SEPTIN9: variants seen among roughly 807,000 people sequenced by gnomAD.
SEPTIN9 encodes septin 9, also known as septin-9.
SEPTIN9 carries 13 observed loss-of-function variants against 56.6 expected under a neutral mutation model. The observed-to-expected ratio is 0.23, with a 90% CI of 0.15 to 0.37. The LOEUF (loss-of-function observed/expected upper bound fraction) is 0.37, where lower values mean the gene tolerates loss of function less well. SEPTIN9 is among the 10% of genes least tolerant of loss of function. SEPTIN9 has a pLI of 1.00. For missense variants in SEPTIN9, 650 were observed against 823.1 expected (o/e 0.79, Z 2.57); for synonymous variants, 332 against 334.1 (o/e 0.99, Z 0.07).
chr17:77,335,327 T>G (rs1250559559), intron 2 of SEPTIN9, among the ~76,000 whole-genome samples: 1 of 150,940 alleles, frequency 6.6e-6, no homozygotes, highest in African/African-American at 2.4e-5. Flanking sequence ...GGCCCCATGT[T>G]GACTGTATAT....
rs2144315736 is a variant in SEPTIN9, at chr17:77,436,507, C to T, written c.721+33804C>T. On this transcript the variant is annotated intron_variant, in intron 3 of 11. Coordinates refer to ENST00000427177, the MANE Select transcript of SEPTIN9 (RefSeq NM_001113491.2). The surrounding 1 kb of genome is among the most constrained non-coding windows in gnomAD (Gnocchi z 4.4). ...CTGGAGCCAGCGGGGTGGGGGTATC[C>T]AGCAAGAGCTCCTTCCCATCCTCCC... 6.6e-6 allele frequency among the ~76,000 whole-genome samples: 1 copy of T among 152,330 alleles called. No individual in the cohort carries two copies. The highest frequency in any genetic ancestry group is 1.9e-4 in the East Asian group (1 of 5,178).
intron 3 of SEPTIN9, among the ~76,000 whole-genome samples, chr17:77,457,347 T>C (rs2038252377): frequency 6.6e-6 from 1 of 152,164 alleles, no homozygotes; most frequent in Non-Finnish European, 1.5e-5. Context: ...GGACCTCACC[T>C]TGGGCTGGGA....
intron 3 of SEPTIN9, among the ~76,000 whole-genome samples, chr17:77,454,692 C>T (rs190528330): frequency 2.0e-5 from 3 of 152,332 alleles, no homozygotes; most frequent in Non-Finnish European, 2.9e-5. Context: ...AACTCGCCGC[C>T]GCTCAGCCTC....
chr17:77,398,435 G>A (rs994573556), intron 2 of SEPTIN9, among the ~76,000 whole-genome samples: 1 of 152,166 alleles, frequency 6.6e-6, no homozygotes, highest in African/African-American at 2.4e-5. Context: ...GGTGTGGACT[G>A]TGTGGGAGGC....
intron 3 of SEPTIN9, among the ~76,000 whole-genome samples, chr17:77,420,739 A>G (rs2036672130): frequency 1.3e-5 from 2 of 152,040 alleles, no homozygotes; most frequent in South Asian, 4.2e-4. Flanking sequence ...TGGGATTGTG[A>G]ATGAGACGAC....
At chr17:77,288,466 G>C (rs2031376771) in intron 1 of SEPTIN9, among the ~76,000 whole-genome samples, 1 of 152,218 alleles carries the variant, frequency 6.6e-6, no homozygotes, top group South Asian at 2.1e-4. Flanking sequence ...GGGTGAGTGT[G>C]GTTACCAGGA....
At chr17:77,289,320 C>T (rs2031426195) in intron 1 of SEPTIN9, among the ~76,000 whole-genome samples, 1 of 151,410 alleles carries the variant, frequency 6.6e-6, no homozygotes, top group African/African-American at 2.4e-5. Flanking sequence ...TGGTTTCAAA[C>T]TCCTGACCTC....
At chr17:77,440,219 A>G (rs181241628) in intron 3 of SEPTIN9, among the ~76,000 whole-genome samples, 15 of 152,146 alleles carry the variant, frequency 9.9e-5, no homozygotes, top group Non-Finnish European at 2.2e-4. Context: ...CAGTAGCACA[A>G]TCTTGGCTCA....
In SEPTIN9 at chr17:77,410,227, C is replaced by T. The variant is rs377042064; in HGVS notation, c.721+7524C>T. On this transcript the variant is annotated intron_variant, in intron 3 of 11. Transcript: ENST00000427177. The stretch of plus-strand genomic sequence containing the variant: ...AGGGAGGCATGGAGCTCCCCTGACC[C>T]TGTCCCCCCATCCCACTGCTGCTAC... Among the ~76,000 whole-genome samples the T allele has an allele frequency of 5.9e-5, 9 of 152,260 alleles. No homozygotes were observed. The East Asian group carries it at 1.5e-3, about 26-fold the overall frequency.
chr17:77,460,414 C>A (rs541858783), intron 3 of SEPTIN9, among the ~76,000 whole-genome samples: 1 of 152,266 alleles, frequency 6.6e-6, no homozygotes, highest in South Asian at 2.1e-4. Context: ...AACTTGGGGA[C>A]CCAGCTGCTG....
At chr17:77,388,212 C>T (rs2035406508) in intron 2 of SEPTIN9, among the ~76,000 whole-genome samples, 1 of 152,170 alleles carries the variant, frequency 6.6e-6, no homozygotes. Flanking sequence ...TGCGTTGTCT[C>T]AGAGCAGGAG....
intron 2 of SEPTIN9, among the ~76,000 whole-genome samples, chr17:77,399,460 C>G (rs1486210361): frequency 6.6e-6 from 1 of 152,130 alleles, no homozygotes; most frequent in Non-Finnish European, 1.5e-5. Flanking sequence ...GGACAGTGCT[C>G]AGGAGGCAGG....
chr17:77,308,056 C>T (rs917291508), intron 2 of SEPTIN9, among the ~76,000 whole-genome samples: 3 of 152,190 alleles, frequency 2.0e-5, no homozygotes, highest in Non-Finnish European at 4.4e-5. Flanking sequence ...CATCTAGTGG[C>T]TTTTCTATTT....
intron 1 of SEPTIN9, among the ~76,000 whole-genome samples, chr17:77,292,638 C>T (rs57485114): frequency 3.9e-5 from 6 of 151,988 alleles, no homozygotes; most frequent in East Asian, 1.9e-4. Context: ...GGACTACAGG[C>T]GCCCGCCACC....
intron 3 of SEPTIN9, among the ~76,000 whole-genome samples, chr17:77,472,112 A>ATAGGCC (rs1375991978): frequency 6.6e-6 from 1 of 152,142 alleles, no homozygotes; most frequent in Non-Finnish European, 1.5e-5. Flanking sequence ...TGATGTCTCA[A>ATAGGCC]TAGGCCGCGG....
chr17:77,458,365 G>A (rs998719430), intron 3 of SEPTIN9, among the ~76,000 whole-genome samples: 2 of 152,210 alleles, frequency 1.3e-5, no homozygotes, highest in African/African-American at 4.8e-5. Context: ...TTCCAGCCCC[G>A]GCACCGCCGC....
intron 3 of SEPTIN9, among the ~76,000 whole-genome samples, chr17:77,462,760 G>A (rs571632936): frequency 1.6e-4 from 25 of 152,264 alleles, no homozygotes; most frequent in African/African-American, 5.8e-4. Flanking sequence ...TCATGCCTCA[G>A]CCTCCCAAGT....
At position 77,411,199 on chromosome 17, in the gene SEPTIN9, C is replaced by G. The variant is rs75350286; in HGVS notation, c.721+8496C>G. Among the ~76,000 whole-genome samples the G allele has an allele frequency of 8.6e-3, 1,303 of 152,162 alleles. 11 individuals are homozygous for G. Among genetic ancestry groups the G allele is most frequent in the Non-Finnish European group, 0.011 (751 of 68,004 alleles). On this transcript the variant is annotated intron_variant, in intron 3 of 11. Coordinates refer to ENST00000427177, the MANE Select transcript of SEPTIN9 (RefSeq NM_001113491.2). ...CCCCAACTCTCTCCCAAGGGGTGGCCATGTTGACAGCTGGGTGTGGCATTC... is the reference window on the plus strand; with the variant it reads ...CCCCAACTCTCTCCCAAGGGGTGGCGATGTTGACAGCTGGGTGTGGCATTC...
intron 2 of SEPTIN9, among the ~76,000 whole-genome samples, chr17:77,336,998 G>GTT (rs61414789): frequency 0.039 from 4,946 of 128,408 alleles, 135 homozygotes; most frequent in Middle Eastern, 0.074. Context: ...TTTGCCCCCC[G>GTT]TTTTTTTTTT....
Sources: gnomAD v4.1 joint callset for allele counts (sites outside exome capture counted in the v4.1 genomes callset) on GRCh38, gnomAD v4.1.1 for gene constraint, Gnocchi (gnomAD v3.1) non-coding constraint, MANE v1.5 for transcripts, NCBI Gene and HGNC (gene_info 2026-07-23, HGNC 2026-07-21) for gene names.